PARD3: variants seen among roughly 807,000 people sequenced by gnomAD.
PARD3 encodes partitioning defective 3 homolog.
A neutral mutation model predicts 155.4 loss-of-function variants in PARD3; 75 were observed. The ratio of observed to expected loss-of-function variants is 0.48; its 90% confidence interval spans 0.40 to 0.58. The LOEUF is 0.58. Ranked by LOEUF, PARD3 falls within the 20% of genes least tolerant of loss-of-function variation. The pLI is 0.00. For missense variants in PARD3, 1,642 were observed against 1,721.7 expected, an observed-to-expected ratio of 0.95 and a Z score of 0.82; for synonymous variants, 576 against 610.5, an observed-to-expected ratio of 0.94 and a Z score of 0.83.
chr10:34,346,550 C>A, intron 15 of PARD3: 7 of 1,226,934 alleles, frequency 5.7e-6, no homozygotes, highest in African/African-American at 1.6e-5. Flanking sequence ...ATTTCATCAA[C>A]AAAAAAATAA....
intron 2 of PARD3, among the ~76,000 whole-genome samples, chr10:34,562,123 C>CAAAAAAAAAAA (rs3041198): frequency 7.6e-5 from 2 of 26,354 alleles, no homozygotes; most frequent in African/African-American, 2.6e-4. Flanking sequence ...CTGACTGTCT[C>CAAAAAAAAAAA]AAAAAAAAAA....
At chr10:34,325,445 T>C (rs1177707778) in intron 19 of PARD3, among the ~76,000 whole-genome samples, 1 of 152,090 alleles carries the variant, frequency 6.6e-6, no homozygotes, top group East Asian at 1.9e-4. Context: ...AACACTCAAC[T>C]CGGCCAATAC....
rs772040390 is a variant in PARD3 at position 34,339,897 on chromosome 10, ATTCT to A, written c.2408+1726_2408+1729del. Among the ~76,000 whole-genome samples, 125 of 152,332 alleles carry A rather than the reference ATTCT, an allele frequency of 8.2e-4. 1 individual carries two copies. Among genetic ancestry groups the A allele is most frequent in the Middle Eastern group, 3.4e-3 (1 of 294 alleles). On this transcript the variant is annotated intron_variant, in intron 16 of 24. Coordinates refer to ENST00000374788, the MANE Select transcript of PARD3 (RefSeq NM_001184785.2). The stretch of plus-strand genomic sequence containing the variant: ...AGTTAGATGGCAGGAATGACAGCTG[ATTCT>A]TTAAAGAATGTAACCATATCCTGAC...
At chr10:34,412,908 A>G (rs1845236608) in intron 5 of PARD3, among the ~76,000 whole-genome samples, 1 of 152,276 alleles carries the variant, frequency 6.6e-6, no homozygotes, top group East Asian at 1.9e-4. Flanking sequence ...GAAATAGAAA[A>G]TACAGAAGAC....
At chr10:34,363,414 T>C (rs1260955452) in intron 12 of PARD3, among the ~76,000 whole-genome samples, 1 of 152,240 alleles carries the variant, frequency 6.6e-6, no homozygotes, top group Non-Finnish European at 1.5e-5. Flanking sequence ...AGAACACTGA[T>C]GTGAAACATT....
At chr10:34,812,645 C>T (rs1844331596) in intron 1 of PARD3, among the ~76,000 whole-genome samples, 1 of 152,150 alleles carries the variant, frequency 6.6e-6, no homozygotes, top group African/African-American at 2.4e-5. Flanking sequence ...TCTTGGGATC[C>T]AATGACTGAA....
intron 1 of PARD3, among the ~76,000 whole-genome samples, chr10:34,758,786 T>C (rs978041626): frequency 6.6e-6 from 1 of 152,156 alleles, no homozygotes; most frequent in Non-Finnish European, 1.5e-5. Context: ...GCCCACCCTG[T>C]GAAAGGGCAC....
At chr10:34,717,465 T>G (rs2094537670) in intron 1 of PARD3, among the ~76,000 whole-genome samples, 1 of 152,192 alleles carries the variant, frequency 6.6e-6, no homozygotes, top group East Asian at 1.9e-4. Flanking sequence ...CATTCTGTAT[T>G]AAACACGCAT....
chr10:34,569,435 GGAGACA>G (rs1354431075), intron 2 of PARD3, among the ~76,000 whole-genome samples: 1 of 151,648 alleles, frequency 6.6e-6, no homozygotes, highest in Non-Finnish European at 1.5e-5. Context: ...ATATTTTTTT[GGAGACA>G]GAGTCTTGCT....
intron 10 of PARD3, 83 bp downstream of exon 10, chr10:34,377,884 T>A (rs966919661): frequency 5.4e-5 from 60 of 1,106,752 alleles, no homozygotes; most frequent in Non-Finnish European, 7.0e-5. Flanking sequence ...ATTTCATATT[T>A]TATGAAAATG....
intron 1 of PARD3, among the ~76,000 whole-genome samples, chr10:34,807,869 A>G (rs369033442): frequency 6.6e-6 from 1 of 152,228 alleles, no homozygotes; most frequent in South Asian, 2.1e-4. Flanking sequence ...AGGAATACAC[A>G]AAAGTAATAT....
At chr10:34,438,110 C>G (rs2076280160) in intron 5 of PARD3, among the ~76,000 whole-genome samples, 1 of 152,208 alleles carries the variant, frequency 6.6e-6, no homozygotes, top group African/African-American at 2.4e-5. Context: ...ACAGCAGACA[C>G]CACTGGATAC....
intron 2 of PARD3, among the ~76,000 whole-genome samples, chr10:34,593,051 T>C (rs112992638): frequency 1.5e-4 from 23 of 152,242 alleles, no homozygotes; most frequent in East Asian, 5.8e-4. Flanking sequence ...AGCTGTAACA[T>C]TGTAAAGGAA....
At chr10:34,457,898 C>T (rs2077421819) in intron 4 of PARD3, among the ~76,000 whole-genome samples, 1 of 152,162 alleles carries the variant, frequency 6.6e-6, no homozygotes, top group South Asian at 2.1e-4. Flanking sequence ...CCAGCCTAGC[C>T]TCTACTCAAT....
chr10:34,724,680 CTGTTA>C (rs1460141934), intron 1 of PARD3, among the ~76,000 whole-genome samples: 6 of 152,146 alleles, frequency 3.9e-5, no homozygotes, highest in Non-Finnish European at 5.9e-5. Flanking sequence ...TTTGTTTTTA[CTGTTA>C]TGTTATATTA....
intron 22 of PARD3, among the ~76,000 whole-genome samples, chr10:34,203,061 C>A (rs535836085): frequency 1.1e-3 from 163 of 150,256 alleles, no homozygotes; most frequent in African/African-American, 3.9e-3. Flanking sequence ...ACCCTGGCCC[C>A]ACTGCCAGCT....
intron 7 of PARD3, among the ~76,000 whole-genome samples, chr10:34,389,237 C>CT (rs1291481270): frequency 5.3e-5 from 2 of 37,662 alleles, no homozygotes; most frequent in East Asian, 7.1e-4. Flanking sequence ...AACAATGTTT[C>CT]TTAAAAAAAA....
At chr10:34,582,978 A>C (rs753009703) in intron 2 of PARD3, among the ~76,000 whole-genome samples, 1 of 152,168 alleles carries the variant, frequency 6.6e-6, no homozygotes, top group African/African-American at 2.4e-5. Context: ...CTTCGGGGAG[A>C]CAAGTGTCTG....
At chr10:34,775,902 T>G (rs2134127896) in intron 1 of PARD3, among the ~76,000 whole-genome samples, 1 of 152,298 alleles carries the variant, frequency 6.6e-6, no homozygotes, top group East Asian at 1.9e-4. Flanking sequence ...ACCTTCATGC[T>G]TTTCAATTAA....
Sources: allele counts gnomAD v4.1 joint callset (sites outside exome capture counted in the v4.1 genomes callset), GRCh38; gene constraint gnomAD v4.1.1; transcripts MANE v1.5; gene names NCBI Gene and HGNC (gene_info 2026-07-23, HGNC 2026-07-21).